MBTD1: variants seen among roughly 807,000 people sequenced by gnomAD.
The protein encoded by MBTD1 is MBT domain-containing protein 1.
Under a neutral mutation model 87.8 loss-of-function variants are expected in MBTD1, and 24 were observed. The ratio of observed to expected loss-of-function variants is 0.27; its 90% CI spans 0.20 to 0.38. The LOEUF (loss-of-function observed/expected upper bound fraction) is 0.38. MBTD1 is among the 10% of genes least tolerant of loss of function. The pLI, the probability that MBTD1 is intolerant of heterozygous loss-of-function variation, is 1.00. For synonymous variants in MBTD1, 237 were observed against 248.6 expected, an observed-to-expected ratio of 0.95 and a Z score of 0.44; for missense variants, 436 against 760.2, an observed-to-expected ratio of 0.57 and a Z score of 5.02.
In MBTD1 at chr17:51,202,817, C is replaced by T. The variant is rs2051569103; in HGVS notation, c.947G>A (p.Arg316Lys). The T allele has an allele frequency of 6.2e-7, 1 of 1,614,118 alleles. No individual in the cohort carries two copies. The highest frequency in any genetic ancestry group is 8.5e-7 in the Non-Finnish European group (1 of 1,179,994). Reference sequence around the variant, plus strand: ...ATCTTCGCTTTCTTCATACACTAGTCTTAATCTTCCTCCAATTACACTTTC... The same window carrying T: ...ATCTTCGCTTTCTTCATACACTAGTTTTAATCTTCCTCCAATTACACTTTC... The part of the protein sequence containing the change: ...VVESVIGGRL[R>K]LVYEESEDRT... Residue 316 changes from arginine (R) to lysine (K), a missense_variant, in exon 10 of 17, where the codon AGA (arginine) becomes AAA (lysine). Arg to Lys is a conservative substitution (Grantham distance 26, BLOSUM62 2). Transcript: ENST00000586178.
intron 6 of MBTD1, among the ~76,000 whole-genome samples, chr17:51,215,927 ATTTTTTT>A (rs35988235): frequency 8.8e-6 from 1 of 114,210 alleles, no homozygotes; most frequent in Non-Finnish European, 1.7e-5. Context: ...TAAAGCCCTA[ATTTTTTT>A]TTTTTTTTTT....
At chr17:51,218,872 T>A in intron 5 of MBTD1, 58 bp downstream of exon 5, 1 of 1,033,406 alleles carries the variant, frequency 9.7e-7, no homozygotes, top group Non-Finnish European at 1.5e-6. Flanking sequence ...ATGTCATTAA[T>A]TAAAACTAAA....
At chr17:51,214,989 T>C (rs2052483153) in intron 6 of MBTD1, among the ~76,000 whole-genome samples, 1 of 152,196 alleles carries the variant, frequency 6.6e-6, no homozygotes, top group Non-Finnish European at 1.5e-5. Flanking sequence ...AGTGCAGCAA[T>C]GAAGTGTGGC....
chr17:51,185,542 C>T (rs1216247564), intron 16 of MBTD1: 3 of 152,154 alleles, frequency 2.0e-5, no homozygotes, highest in Non-Finnish European at 2.9e-5. Flanking sequence ...ATTTGTTATT[C>T]AACTAAGATT....
chr17:51,212,919 G>A (rs964213823), intron 6 of MBTD1, among the ~76,000 whole-genome samples: 2 of 152,068 alleles, frequency 1.3e-5, no homozygotes, highest in African/African-American at 2.4e-5. Context: ...TAGTAGAGAC[G>A]GGGTTTCACC....
chr17:51,181,150 C>CT (rs950158612), intron 16 of MBTD1, among the ~76,000 whole-genome samples: 2 of 151,864 alleles, frequency 1.3e-5, no homozygotes, highest in Admixed American at 1.3e-4. Context: ...CACCGCCCCC[C>CT]CAAGTAGGTG....
At chr17:51,244,204 C>T (rs989994223) in intron 2 of MBTD1, among the ~76,000 whole-genome samples, 1 of 152,194 alleles carries the variant, frequency 6.6e-6, no homozygotes, top group Non-Finnish European at 1.5e-5. Flanking sequence ...AATATGATGG[C>T]TGCAAAACGA....
At chr17:51,204,478 T>A (rs2143171257) in intron 7 of MBTD1, among the ~76,000 whole-genome samples, 1 of 141,096 alleles carries the variant, frequency 7.1e-6, no homozygotes, top group East Asian at 2.1e-4. Flanking sequence ...TATTATATAT[T>A]TATTTATATT....
rs891812381 is a variant in MBTD1, at chr17:51,198,978, T to C, written c.1224+2614A>G. Among the ~76,000 whole-genome samples the C allele has an allele frequency of 3.3e-5, 5 of 152,306 alleles. No homozygotes were observed. In the South Asian group the frequency reaches 8.3e-4, roughly 25 times the overall value. ...CCACCACACCTGGCTAATTTTTGTA[T>C]GGAGATGGGGTTTTATCATGTTGGC... is the stretch of plus-strand genomic sequence containing the variant. On this transcript the variant is annotated intron_variant, in intron 12 of 16. Coordinates refer to ENST00000586178, the MANE Select transcript of MBTD1 (RefSeq NM_017643.3).
intron 2 of MBTD1, among the ~76,000 whole-genome samples, chr17:51,227,768 G>A (rs767812174): frequency 6.6e-6 from 1 of 151,664 alleles, no homozygotes; most frequent in Admixed American, 6.6e-5. Flanking sequence ...TAGTCCACGT[G>A]GGGAAATCCC....
intron 3 of MBTD1, among the ~76,000 whole-genome samples, chr17:51,221,925 A>C (rs879470542): frequency 2.0e-5 from 3 of 152,242 alleles, no homozygotes; most frequent in Non-Finnish European, 2.9e-5. Flanking sequence ...CAAATCTATG[A>C]GAAATCATGG....
intron 6 of MBTD1, among the ~76,000 whole-genome samples, chr17:51,214,001 G>C (rs189807920): frequency 6.6e-6 from 1 of 151,796 alleles, no homozygotes; most frequent in East Asian, 1.9e-4. Flanking sequence ...AAGACATATC[G>C]GCCAATCATA....
intron 7 of MBTD1, among the ~76,000 whole-genome samples, chr17:51,205,908 A>G (rs940334825): frequency 1.3e-5 from 2 of 152,170 alleles, no homozygotes; most frequent in Admixed American, 1.3e-4. Flanking sequence ...AAAACTAGAG[A>G]GAGTGGGAGG....
intron 2 of MBTD1, among the ~76,000 whole-genome samples, chr17:51,234,794 A>G (rs555387645): frequency 6.6e-6 from 1 of 152,314 alleles, no homozygotes; most frequent in African/African-American, 2.4e-5. Flanking sequence ...CCCAGGTTCA[A>G]GCAATTCTCC....
chr17:51,192,397 T>C (rs1446756867), intron 15 of MBTD1, 117 bp from the exon 16 acceptor site: 2 of 721,870 alleles, frequency 2.8e-6, no homozygotes, highest in Non-Finnish European at 4.6e-6. Context: ...CTTAAGTACA[T>C]GATGCTCTGA....
At chr17:51,186,543 G>A (rs151108194) in intron 16 of MBTD1, 2,144 of 152,276 alleles carry the variant, frequency 0.014, 22 homozygotes, top group Middle Eastern at 0.041. Context: ...TTGGGAGGCC[G>A]AGGTGGGTGG....
intron 16 of MBTD1, among the ~76,000 whole-genome samples, chr17:51,187,757 G>A (rs528395658): frequency 1.3e-5 from 2 of 151,664 alleles, no homozygotes; most frequent in African/African-American, 2.4e-5. Context: ...GCTGAAGCAG[G>A]AGAATCGCTT....
intron 16 of MBTD1, among the ~76,000 whole-genome samples, chr17:51,181,390 A>G (rs537367964): frequency 1.3e-5 from 2 of 152,342 alleles, no homozygotes; most frequent in African/African-American, 4.8e-5. Flanking sequence ...TTAAATAAAA[A>G]CATTAAAAAA....
chr17:51,190,721 CAAAAAAAAAAAA>C (rs1165717944), intron 16 of MBTD1, among the ~76,000 whole-genome samples: 2 of 35,172 alleles, frequency 5.7e-5, no homozygotes, highest in African/African-American at 3.7e-4. Context: ...GACTCTGTCT[CAAAAAAAAAAAA>C]AAAAAAAAAA....
Sources: allele counts gnomAD v4.1 joint callset (sites outside exome capture counted in the v4.1 genomes callset), GRCh38; gene constraint gnomAD v4.1.1; transcripts MANE v1.5; gene names NCBI Gene and HGNC (gene_info 2026-07-23, HGNC 2026-07-21).